BRD3: variants seen among roughly 807,000 people sequenced by gnomAD.
BRD3 encodes bromodomain containing 3.
BRD3 carries 17 observed loss-of-function variants against 66.8 expected under a neutral mutation model. The observed-to-expected ratio is 0.25, with a 90% CI of 0.17 to 0.38. BRD3 has a LOEUF of 0.38. Among genes scored for constraint, BRD3 ranks in the 10% least tolerant of loss-of-function variants. BRD3 has a pLI of 1.00. For missense variants in BRD3, 713 were observed against 956.1 expected (o/e 0.75, Z 3.35); for synonymous variants, 421 against 393.2 (o/e 1.07, Z -0.84).
intron 1 of BRD3, among the ~76,000 whole-genome samples, chr9:134,056,330 G>A (rs944562615): frequency 3.9e-5 from 6 of 152,208 alleles, no homozygotes; most frequent in African/African-American, 1.2e-4. Flanking sequence ...CTGGAAGGCT[G>A]AGGGGTGCAG....
At chr9:134,063,960 C>A (rs556875811) in intron 1 of BRD3, among the ~76,000 whole-genome samples, 40 of 152,244 alleles carry the variant, frequency 2.6e-4, no homozygotes, top group African/African-American at 9.6e-4. Flanking sequence ...TGGGGGCCTG[C>A]GGCAAGGAGG....
chr9:134,061,802 G>A lies in BRD3; in HGVS notation c.-114+6143C>T, dbSNP rs534219252. Among the ~76,000 whole-genome samples, 18 of 152,304 alleles carry A rather than the reference G, an allele frequency of 1.2e-4. No individual in the cohort carries two copies. The South Asian group carries it at 1.7e-3, about 14-fold the overall frequency. On this transcript the variant is annotated intron_variant, in intron 1 of 11. Transcript: ENST00000303407. ...GCTGGACATCCATGCCAGACTCACC[G>A]CCAACACCCCACAGCCCCAGAATTC...
intron 7 of BRD3, among the ~76,000 whole-genome samples, chr9:134,042,690 CATATACACACACATAT>C (rs1564550570): frequency 4.5e-5 from 6 of 133,880 alleles, no homozygotes; most frequent in Non-Finnish European, 3.3e-5. Flanking sequence ...CACACACACA[CATATACACACACATAT>C]ATATACACAT....
chr9:134,048,578 GC>G, intron 5 of BRD3, 124 bp from the exon 6 acceptor site: 1 of 1,433,720 alleles, frequency 7.0e-7, no homozygotes, highest in Non-Finnish European at 9.5e-7. Flanking sequence ...CACATGCACG[GC>G]CCCACAGGAG....
At chr9:134,048,885 T>C (rs1249880112) in intron 5 of BRD3, among the ~76,000 whole-genome samples, 1 of 152,090 alleles carries the variant, frequency 6.6e-6, no homozygotes, top group African/African-American at 2.4e-5. Flanking sequence ...CCAGGAAAGT[T>C]CCAGACAAGG....
At chr9:134,066,265 C>T (rs1830650249) in intron 1 of BRD3, among the ~76,000 whole-genome samples, 1 of 152,174 alleles carries the variant, frequency 6.6e-6, no homozygotes, top group Admixed American at 6.5e-5. Flanking sequence ...CGCCTGCAGC[C>T]CGTCCTGTTA....
intron 3 of BRD3, 44 bp downstream of exon 3, chr9:134,052,262 C>T (rs778645818): frequency 6.2e-7 from 1 of 1,606,236 alleles, no homozygotes; most frequent in East Asian, 2.2e-5. Context: ...GCACAGCGCC[C>T]CAATCCTTAC....
At chr9:134,063,951 G>C (rs1031167608) in intron 1 of BRD3, among the ~76,000 whole-genome samples, 1 of 152,194 alleles carries the variant, frequency 6.6e-6, no homozygotes, top group African/African-American at 2.4e-5. Context: ...TCAGTACCTT[G>C]GGGGCCTGCG....
At chr9:134,066,965 G>C (rs1024863421) in intron 1 of BRD3, among the ~76,000 whole-genome samples, 1 of 152,190 alleles carries the variant, frequency 6.6e-6, no homozygotes, top group Non-Finnish European at 1.5e-5. Context: ...AAAGGAGGCC[G>C]CGCGAAGCCC....
At position 134,054,478 on chromosome 9, in the gene BRD3, T is replaced by A. The variant is rs183035946; in HGVS notation, c.-113-888A>T. On this transcript the variant is annotated intron_variant, in intron 1 of 11. Coordinates refer to ENST00000303407, the MANE Select transcript of BRD3 (RefSeq NM_007371.4). ...GCCAGGGCCCTGCGGCGTGGCCCCGTGTCTACCTGTAAAGGTGTGGGGCAG... is the reference window on the plus strand; with the variant it reads ...GCCAGGGCCCTGCGGCGTGGCCCCGAGTCTACCTGTAAAGGTGTGGGGCAG... The A allele has an allele frequency of 1.2e-3, 187 of 152,478 alleles. 2 individuals are homozygous for A. The highest frequency in any genetic ancestry group is 4.3e-3 in the African/African-American group (180 of 41,594). 9.4% of individuals were successfully genotyped at this position (152,478 alleles called of 1,614,324 possible). A position where few individuals can be genotyped will look rare whatever the true frequency, so the allele number is the denominator to read the frequency against.
chr9:134,060,176 G>A (rs1418747990), intron 1 of BRD3, among the ~76,000 whole-genome samples: 1 of 152,242 alleles, frequency 6.6e-6, no homozygotes, highest in African/African-American at 2.4e-5. Context: ...AAAAGTCGGA[G>A]TGAGCAGGCA....
Position 134,041,890 on chromosome 9 carries a change from G to A in BRD3, c.1277C>T (p.Pro426Leu). 6.2e-7 allele frequency: 1 copy of A among 1,611,110 alleles called. No individual in the cohort carries two copies. The highest frequency in any genetic ancestry group is 8.5e-7 in the Non-Finnish European group (1 of 1,178,620). Residue 426 changes from proline (P) to leucine (L), a missense_variant, in exon 8 of 12, where the codon CCT (proline) becomes CTT (leucine). Transcript: ENST00000303407. The stretch of plus-strand genomic sequence containing the variant: ...GCTCACCATGGGGGCCGCGGGGGCA[G>A]GCAGCGCCGGTGCCTCCACGGGCTC... ...PDEPVEAPAL[P>L]APAAPMVSKG... is the part of the protein sequence containing the mutation.
intron 1 of BRD3, chr9:134,058,129 C>T (rs563369284): frequency 3.9e-4 from 59 of 152,428 alleles, no homozygotes; most frequent in African/African-American, 7.9e-4. Context: ...CGTCGTCTAC[C>T]GAGTGCTTCC....
In BRD3 at chr9:134,049,501, G is replaced by A. The variant is rs185143093; in HGVS notation, c.714+873C>T. Among the ~76,000 whole-genome samples the A allele has an allele frequency of 6.7e-3, 1,021 of 152,334 alleles. 13 individuals carry two copies. The highest frequency in any genetic ancestry group is 0.023 in the African/African-American group (957 of 41,590). ...GGCAGGCACCCACGTGCTGCCAAGC[G>A]CCAGGCGCGTGCCGCACAGGGCGGA... is the stretch of plus-strand genomic sequence containing the variant. On this transcript the variant is annotated intron_variant, in intron 5 of 11. Coordinates refer to ENST00000303407, the MANE Select transcript of BRD3 (RefSeq NM_007371.4).
intron 7 of BRD3, among the ~76,000 whole-genome samples, chr9:134,043,589 C>T (rs942386742): frequency 2.0e-5 from 3 of 152,254 alleles, no homozygotes; most frequent in African/African-American, 7.2e-5. Flanking sequence ...GTCCAGGCCC[C>T]CGCTCGGCCG....
At chr9:134,037,058 C>G (rs1417784794) in intron 9 of BRD3, among the ~76,000 whole-genome samples, 1 of 151,884 alleles carries the variant, frequency 6.6e-6, no homozygotes, top group Non-Finnish European at 1.5e-5. Flanking sequence ...AACACACCAA[C>G]TAAAAGGAAG....
rs1350934426 is a variant in BRD3, at chr9:134,045,299, C to A, written c.1209G>T (p.Lys403Asn). 2 of 1,613,376 alleles carry A rather than the reference C, an allele frequency of 1.2e-6. No homozygotes were observed. Among genetic ancestry groups the A allele is most frequent in the Non-Finnish European group, 1.7e-6 (2 of 1,179,994 alleles). Residue 403 changes from lysine to asparagine, a missense_variant, in exon 7 of 12, where the codon AAG becomes AAT. Lys to Asn is a moderately conservative substitution (Grantham distance 94). This residue lies in a region of BRD3 where 418 missense variants were observed against 609.3 expected (regional missense o/e 0.69). Coordinates refer to ENST00000303407, the MANE Select transcript of BRD3 (RefSeq NM_007371.4). The surrounding 1 kb of genome is among the most constrained non-coding windows in gnomAD (Gnocchi z 4.8). ...GTGCCCAGCCTCGGGTTACCTGGAG[C>A]TTCCGGGCCATGGCCACAACCTCGT... ...PDHEVVAMAR[K>N]LQDVFEMRFA...
intron 1 of BRD3, among the ~76,000 whole-genome samples, chr9:134,055,047 G>GGTGCCTCC (rs150149711): frequency 0.052 from 7,986 of 152,196 alleles, 616 homozygotes; most frequent in African/African-American, 0.17. Context: ...GAGGTGAGCG[G>GGTGCCTCC]GTGCCTCTCC....
At chr9:134,056,271 T>C (rs1190170544) in intron 1 of BRD3, among the ~76,000 whole-genome samples, 2 of 152,200 alleles carry the variant, frequency 1.3e-5, no homozygotes, top group African/African-American at 2.4e-5. Context: ...AGGGTGCAGT[T>C]TGCCTCCAGC....
Sources: gnomAD v4.1 joint callset for allele counts (sites outside exome capture counted in the v4.1 genomes callset) on GRCh38, gnomAD v4.1.1 for gene constraint, gnomAD v4.1.1 regional missense constraint, Gnocchi (gnomAD v3.1) non-coding constraint, MANE v1.5 for transcripts, NCBI Gene and HGNC (gene_info 2026-07-23, HGNC 2026-07-21) for gene names.